The following KHDRBS2 variants were observed in gnomAD, a reference collection of about 807,000 sequenced individuals.
KHDRBS2 encodes the protein KH domain-containing, RNA-binding, signal transduction-associated protein 2.
A neutral mutation model predicts 44.3 loss-of-function variants in KHDRBS2; 26 were observed. The observed-to-expected ratio is 0.59, with a 90% CI of 0.43 to 0.81. KHDRBS2 has a LOEUF of 0.81. KHDRBS2 is among the 40% of genes least tolerant of loss of function. The pLI is 0.00. For missense variants in KHDRBS2, 476 were observed against 433.1 expected (o/e 1.10, Z -0.88); for synonymous variants, 194 against 151.1 (o/e 1.28, Z -2.08).
At chr6:62,241,416 A>T (rs1291866422) in intron 1 of KHDRBS2, among the ~76,000 whole-genome samples, 2 of 152,236 alleles carry the variant, frequency 1.3e-5, no homozygotes, top group Admixed American at 1.3e-4. Flanking sequence ...TGAAAGCACT[A>T]AATAGTTCAT....
rs150643021 is a variant in KHDRBS2, at chr6:61,908,265, G to T, written c.484-6894C>A. ...GTGAATAAGGACAAAAGAGACAAAGGAAGGTAAAGCTATGGCAATTTAGAA... is the reference window on the plus strand; with the variant it reads ...GTGAATAAGGACAAAAGAGACAAAGTAAGGTAAAGCTATGGCAATTTAGAA... On this transcript the variant is annotated intron_variant, in intron 4 of 8. Coordinates refer to ENST00000281156, the MANE Select transcript of KHDRBS2 (RefSeq NM_152688.4). 3.1e-4 allele frequency among the ~76,000 whole-genome samples: 47 copies of T among 152,194 alleles called. No individual in the cohort carries two copies. The East Asian group carries it at 9.1e-3, about 29-fold the overall frequency.
the KHDRBS2 span, among the ~76,000 whole-genome samples, chr6:61,608,069 A>G: frequency 6.6e-6 from 1 of 152,190 alleles, no homozygotes; most frequent in South Asian, 2.1e-4. Context: ...AATCCCAACA[A>G]GGTGTTTCAA....
At chr6:61,595,522 A>C in the KHDRBS2 span, among the ~76,000 whole-genome samples, 1 of 152,094 alleles carries the variant, frequency 6.6e-6, no homozygotes, top group East Asian at 1.9e-4. Flanking sequence ...TTTCCTCAAC[A>C]AAAGCATATC....
chr6:61,653,930 T>C, the KHDRBS2 span, among the ~76,000 whole-genome samples: 112 of 152,102 alleles, frequency 7.4e-4, 4 homozygotes, highest in South Asian at 0.021. Context: ...AAAATAAGTT[T>C]AACAAATTCA....
At chr6:62,023,662 C>G (rs1338805868) in intron 3 of KHDRBS2, among the ~76,000 whole-genome samples, 1 of 150,840 alleles carries the variant, frequency 6.6e-6, no homozygotes, top group Non-Finnish European at 1.5e-5. Flanking sequence ...ATATAAAAAA[C>G]AAAAACATAA....
chr6:61,955,353 TATATGTATACATATAC>T (rs1215650683), intron 4 of KHDRBS2, among the ~76,000 whole-genome samples: 5 of 118,812 alleles, frequency 4.2e-5, no homozygotes, highest in African/African-American at 1.7e-4. Flanking sequence ...TGTATACATA[TATATGTATACATATAC>T]GTGTATATAT....
At chr6:62,222,238 G>C (rs1053835157) in intron 1 of KHDRBS2, among the ~76,000 whole-genome samples, 1 of 151,846 alleles carries the variant, frequency 6.6e-6, no homozygotes, top group African/African-American at 2.4e-5. Flanking sequence ...GAGAGAGACA[G>C]AGAGAATGAG....
intron 2 of KHDRBS2, among the ~76,000 whole-genome samples, chr6:62,065,644 G>A (rs9445873): frequency 9.7e-6 from 1 of 103,568 alleles, no homozygotes. Context: ...GGGGTGGGGG[G>A]AGGGGGGAGG....
chr6:62,088,990 G>A (rs954918455), intron 2 of KHDRBS2, among the ~76,000 whole-genome samples: 2 of 152,106 alleles, frequency 1.3e-5, no homozygotes, highest in African/African-American at 4.8e-5. Context: ...TCCACCCAGT[G>A]TGAACTTCCA....
In KHDRBS2 at chr6:62,286,056, G is replaced by C; in HGVS notation, c.-108C>G. The C allele has an allele frequency of 4.2e-6, 3 of 716,194 alleles. No individual in the cohort carries two copies. The East Asian group carries it at 8.2e-5, about 20-fold the overall frequency. 44.4% of individuals were successfully genotyped at this position (716,194 alleles called of 1,614,324 possible). ...CTCCCGCGCTGCTCCTCCTCCGCGC[G>C]GCGAGGGATCTCTGTGCGTCCTCAC... On this transcript the variant is annotated 5_prime_UTR_variant, in exon 1 of 9. Coordinates refer to ENST00000281156, the MANE Select transcript of KHDRBS2 (RefSeq NM_152688.4).
chr6:61,706,003 G>C (rs1470711482), intron 7 of KHDRBS2, among the ~76,000 whole-genome samples: 2 of 151,742 alleles, frequency 1.3e-5, no homozygotes, highest in African/African-American at 4.8e-5. Context: ...GTATTCCCAG[G>C]GGGCAACCCA....
At position 62,179,215 on chromosome 6, in the gene KHDRBS2, C is replaced by A. The variant is rs539513858; in HGVS notation, c.92-1903G>T. Among the ~76,000 whole-genome samples, 3 of 151,750 alleles carry A rather than the reference C, an allele frequency of 2.0e-5. No homozygotes were observed. In the East Asian group the frequency reaches 5.8e-4, roughly 29 times the overall value. ...TAATACCTGAGTGAAATCTACACTG[C>A]ATAATTTTTACGAAGTCATTTATAA... On this transcript the variant is annotated intron_variant, in intron 1 of 8. Transcript: ENST00000281156.
In KHDRBS2 at chr6:62,025,549, G is replaced by T. The variant is rs1205510779; in HGVS notation, c.336+22329C>A. ...GATAAATTTTTTTTAAATAATACAA[G>T]ACCTCAATACCATTATCACACATAA... On this transcript the variant is annotated intron_variant, in intron 3 of 8. Transcript: ENST00000281156. Among the ~76,000 whole-genome samples, 8 of 151,622 alleles carry T rather than the reference G, an allele frequency of 5.3e-5. No individual in the cohort carries two copies. In the East Asian group the frequency reaches 1.6e-3, roughly 29 times the overall value.
At chr6:61,884,109 G>T (rs570081926) in intron 6 of KHDRBS2, among the ~76,000 whole-genome samples, 6 of 152,110 alleles carry the variant, frequency 3.9e-5, no homozygotes, top group African/African-American at 9.6e-5. Context: ...GAAACTGAGG[G>T]TTGGCAGCCT....
At chr6:61,713,752 T>A (rs1770914159) in intron 7 of KHDRBS2, among the ~76,000 whole-genome samples, 1 of 151,652 alleles carries the variant, frequency 6.6e-6, no homozygotes, top group Non-Finnish European at 1.5e-5. Flanking sequence ...TTTACAGCCA[T>A]CTGATCACTG....
At chr6:61,634,891 C>A in the KHDRBS2 span, among the ~76,000 whole-genome samples, 2 of 152,062 alleles carry the variant, frequency 1.3e-5, no homozygotes, top group African/African-American at 2.4e-5. Context: ...GCAGCAGCCT[C>A]TTAACTTGTC....
At chr6:61,957,507 T>TGGG (rs34559876) in intron 4 of KHDRBS2, among the ~76,000 whole-genome samples, 2 of 151,914 alleles carry the variant, frequency 1.3e-5, no homozygotes, top group African/African-American at 4.8e-5. Flanking sequence ...ATGGCTGCTT[T>TGGG]GGGGGTGGCT....
intron 3 of KHDRBS2, among the ~76,000 whole-genome samples, chr6:62,036,027 C>T (rs1380521996): frequency 1.3e-5 from 2 of 151,966 alleles, no homozygotes; most frequent in African/African-American, 4.8e-5. Context: ...ATTCCAGGCT[C>T]TAGACATGAA....
intron 1 of KHDRBS2, 149 bp downstream of exon 1, chr6:62,285,709 T>C: frequency 3.4e-6 from 2 of 596,492 alleles, no homozygotes; most frequent in Non-Finnish European, 3.0e-6. Context: ...ACGGGGTCTG[T>C]CCGCCCGAGC....
Sources: gnomAD v4.1 joint callset for allele counts (sites outside exome capture counted in the v4.1 genomes callset) on GRCh38, gnomAD v4.1.1 for gene constraint, MANE v1.5 for transcripts, NCBI Gene and HGNC (gene_info 2026-07-23, HGNC 2026-07-21) for gene names.